The following HERC3 variants were observed in gnomAD, a reference collection of about 807,000 sequenced individuals.
HERC3 encodes the protein probable E3 ubiquitin-protein ligase HERC3.
Under a neutral mutation model 129.9 loss-of-function variants are expected in HERC3, and 58 were observed. The observed-to-expected ratio is 0.45, with a 90% confidence interval of 0.36 to 0.56. HERC3 has a LOEUF of 0.56. Among genes scored for constraint, HERC3 ranks in the 20% least tolerant of loss-of-function variants. The probability of loss-of-function intolerance (pLI) is 0.00; values close to 1 mark genes in which losing one functional copy is unlikely to be tolerated. For synonymous variants in HERC3, 430 were observed against 451.0 expected, an observed-to-expected ratio of 0.95 and a Z score of 0.59; for missense variants, 835 against 1,244.2, an observed-to-expected ratio of 0.67 and a Z score of 4.95.
chr4:88,638,228 C>CT (rs1239196896), intron 3 of HERC3, among the ~76,000 whole-genome samples: 1 of 152,228 alleles, frequency 6.6e-6, no homozygotes, highest in Non-Finnish European at 1.5e-5. Flanking sequence ...GGACTCCTCT[C>CT]TAACTAATTT....
chr4:88,682,292 A>T (rs905969251), intron 21 of HERC3, among the ~76,000 whole-genome samples: 9 of 151,726 alleles, frequency 5.9e-5, no homozygotes, highest in Non-Finnish European at 1.3e-4. Context: ...GTAGAGCCAC[A>T]TTTTTTTTAT....
At chr4:88,679,016 AT>A in intron 19 of HERC3, among the ~76,000 whole-genome samples, 1 of 152,256 alleles carries the variant, frequency 6.6e-6, no homozygotes, top group African/African-American at 2.4e-5. Context: ...TCTCTGTCCC[AT>A]TTTTACTCTT....
chr4:88,635,961 C>G (rs1286266844), intron 3 of HERC3, among the ~76,000 whole-genome samples: 1 of 152,090 alleles, frequency 6.6e-6, no homozygotes, highest in African/African-American at 2.4e-5. Flanking sequence ...AGGGAATTTG[C>G]CACCACCAGG....
the HERC3 span, among the ~76,000 whole-genome samples, chr4:88,551,413 C>T: frequency 1.3e-5 from 2 of 148,442 alleles, no homozygotes; most frequent in East Asian, 2.0e-4. Flanking sequence ...CCAGAATCTA[C>T]AATGAACTCA....
At chr4:88,601,926 G>A (rs565956164) in intron 2 of HERC3, among the ~76,000 whole-genome samples, 1 of 119,818 alleles carries the variant, frequency 8.3e-6, no homozygotes, top group Non-Finnish European at 1.5e-5. Context: ...CGTAGTGGCG[G>A]GCGCCTGTAG....
At chr4:88,704,863 C>CTTTTTTTTTTTTTTT (rs1165694315) in intron 25 of HERC3, among the ~76,000 whole-genome samples, 5 of 130,668 alleles carry the variant, frequency 3.8e-5, no homozygotes, top group African/African-American at 9.0e-5. Context: ...TTCTTTCTTT[C>CTTTTTTTTTTTTTTT]TTTTTTTTTT....
At position 88,704,599 on chromosome 4, in the gene HERC3, A is replaced by G. The variant is rs931115516; in HGVS notation, c.2933A>G (p.Lys978Arg). The part of the protein sequence containing the change: ...TFHEFPLEKK[K>R]KFLLFLTGSD... ...CATGAGTTTCCATTGGAAAAGAAGA[A>G]GAAGTTTCTCTGTAAGTATCAGTAA... is the stretch of plus-strand genomic sequence containing the variant. Residue 978 changes from lysine to arginine, a missense_variant, in exon 25 of 26, where the codon AAG becomes AGG. By Grantham distance (26) the Lys-to-Arg change is conservative. Coordinates refer to ENST00000402738, the MANE Select transcript of HERC3 (RefSeq NM_014606.3). 2.5e-6 allele frequency: 4 copies of G among 1,585,002 alleles called. No homozygotes were observed. The African/African-American group carries it at 5.4e-5, about 21-fold the overall frequency.
intron 2 of HERC3, among the ~76,000 whole-genome samples, chr4:88,596,419 A>G (rs570869895): frequency 1.3e-5 from 2 of 152,306 alleles, no homozygotes; most frequent in African/African-American, 4.8e-5. Flanking sequence ...TATCTGGAAA[A>G]TAAAAGTGGT....
intron 3 of HERC3, among the ~76,000 whole-genome samples, chr4:88,622,599 C>T (rs969072827): frequency 1.3e-5 from 2 of 152,138 alleles, no homozygotes; most frequent in African/African-American, 4.8e-5. Flanking sequence ...TAAATTCTCA[C>T]AAGAAGTGTA....
At chr4:88,604,701 T>A (rs1046708004) in intron 2 of HERC3, among the ~76,000 whole-genome samples, 1 of 152,242 alleles carries the variant, frequency 6.6e-6, no homozygotes, top group Non-Finnish European at 1.5e-5. Flanking sequence ...CCTTTCAATA[T>A]GTATAATGCT....
chr4:88,588,675 A>G (rs527446382), upstream of HERC3, among the ~76,000 whole-genome samples: 2 of 152,366 alleles, frequency 1.3e-5, no homozygotes, highest in South Asian at 4.1e-4. Context: ...TACCAAGTAA[A>G]TATTTGTCTG....
chr4:88,632,112 G>C (rs886932558), intron 3 of HERC3, among the ~76,000 whole-genome samples: 21 of 152,290 alleles, frequency 1.4e-4, no homozygotes, highest in Non-Finnish European at 2.8e-4. Context: ...AAGTATTTGG[G>C]AGATCACAGA....
chr4:88,541,956 G>T, the HERC3 span, among the ~76,000 whole-genome samples: 818 of 152,264 alleles, frequency 5.4e-3, 7 homozygotes, highest in African/African-American at 0.018. Context: ...AGTGTGTGGA[G>T]GGAAATTTAT....
chr4:88,682,009 T>TGAATATGAAGG (rs1317452144), intron 21 of HERC3, among the ~76,000 whole-genome samples: 2 of 152,242 alleles, frequency 1.3e-5, no homozygotes, highest in African/African-American at 2.4e-5. Flanking sequence ...GTGGAACATG[T>TGAATATGAAGG]GAATATGAAG....
chr4:88,693,289 G>A (rs1450848810), intron 23 of HERC3: 1 of 972,926 alleles, frequency 1.0e-6, no homozygotes, highest in Non-Finnish European at 1.2e-6. Context: ...TAATGATAAG[G>A]TCTCAGGGGT....
At chr4:88,600,744 C>A (rs72663445) in intron 2 of HERC3, among the ~76,000 whole-genome samples, 231 of 152,256 alleles carry the variant, frequency 1.5e-3, no homozygotes, top group Non-Finnish European at 2.9e-3. Context: ...TTGGATGTAC[C>A]CGCTTGTTGA....
chr4:88,562,789 T>G, the HERC3 span, among the ~76,000 whole-genome samples: 2 of 152,370 alleles, frequency 1.3e-5, no homozygotes, highest in South Asian at 2.1e-4. Context: ...CTTGATACTT[T>G]CGTGAAGAAT....
At chr4:88,619,539 A>T (rs1033509669) in intron 3 of HERC3, among the ~76,000 whole-genome samples, 5 of 152,352 alleles carry the variant, frequency 3.3e-5, no homozygotes, top group African/African-American at 9.6e-5. Flanking sequence ...TAGGAAAAAA[A>T]ATTAGGGGAA....
intron 23 of HERC3, chr4:88,693,315 T>A: frequency 2.1e-6 from 2 of 971,198 alleles, no homozygotes; most frequent in Non-Finnish European, 2.4e-6. Context: ...GGAATTAAAA[T>A]GTATAACATT....
Sources: gnomAD v4.1 joint callset for allele counts (sites outside exome capture counted in the v4.1 genomes callset) on GRCh38, gnomAD v4.1.1 for gene constraint, MANE v1.5 for transcripts, NCBI Gene and HGNC (gene_info 2026-07-23, HGNC 2026-07-21) for gene names.